MCM2: variants seen among roughly 807,000 people sequenced by gnomAD.
MCM2 encodes the protein DNA replication licensing factor MCM2.
MCM2 carries 49 observed loss-of-function variants against 86.4 expected under a neutral mutation model. The ratio of observed to expected loss-of-function variants is 0.57; its 90% CI spans 0.45 to 0.72. The LOEUF (loss-of-function observed/expected upper bound fraction) is 0.72. Among genes scored for constraint, MCM2 ranks in the 30% least tolerant of loss-of-function variants. The pLI is 0.00. For missense variants in MCM2, 1,038 were observed against 1,259.9 expected (o/e 0.82, Z 2.67); for synonymous variants, 475 against 484.6 (o/e 0.98, Z 0.26).
chr3:127,608,607 C>A, intron 7 of MCM2, 91 bp downstream of exon 7: 1 of 1,517,248 alleles, frequency 6.6e-7, no homozygotes, highest in South Asian at 1.2e-5. Flanking sequence ...TGTCTATGGT[C>A]GCAGGGGCAC....
chr3:127,612,838 G>T (rs1243569293), intron 8 of MCM2, among the ~76,000 whole-genome samples: 1 of 152,200 alleles, frequency 6.6e-6, no homozygotes, highest in African/African-American at 2.4e-5. Context: ...TGCATCTGGG[G>T]TCGAGTCTTG....
At chr3:127,608,748 C>T (rs563090409) in intron 7 of MCM2, 84 bp from the exon 8 acceptor site, 3 of 1,412,614 alleles carry the variant, frequency 2.1e-6, no homozygotes, top group Admixed American at 1.7e-5. Flanking sequence ...GGAGCACTTG[C>T]AATAGGAGAA....
chr3:127,608,702 G>T (rs574240720), intron 7 of MCM2, 130 bp from the exon 8 acceptor site: 2 of 1,188,206 alleles, frequency 1.7e-6, no homozygotes, highest in African/African-American at 3.0e-5. Context: ...TTTAGGAGGG[G>T]TTTTACTGAG....
At chr3:127,605,240 C>T in intron 4 of MCM2, 84 bp downstream of exon 4, 6 of 1,536,388 alleles carry the variant, frequency 3.9e-6, no homozygotes, top group Admixed American at 1.8e-5. Flanking sequence ...CGAGTGAACA[C>T]GTGAAGCACA....
intron 2 of MCM2, among the ~76,000 whole-genome samples, chr3:127,600,766 T>G (rs1011954526): frequency 4.0e-5 from 6 of 151,832 alleles, no homozygotes; most frequent in Admixed American, 3.9e-4. Flanking sequence ...GTCTTGACCC[T>G]TTCTCTTTGC....
At chr3:127,601,058 G>T (rs1294305847) in intron 2 of MCM2, among the ~76,000 whole-genome samples, 2 of 152,170 alleles carry the variant, frequency 1.3e-5, no homozygotes, top group Admixed American at 6.5e-5. Context: ...TTCATTCTCA[G>T]TTCTTACCCA....
intron 13 of MCM2, among the ~76,000 whole-genome samples, chr3:127,620,113 A>G (rs1165498551): frequency 1.3e-5 from 2 of 152,178 alleles, no homozygotes; most frequent in African/African-American, 2.4e-5. Context: ...TGTGCTTATT[A>G]AGTTCCATAT....
intron 2 of MCM2, among the ~76,000 whole-genome samples, chr3:127,602,551 A>G (rs1470879734): frequency 1.3e-5 from 2 of 152,180 alleles, no homozygotes; most frequent in Non-Finnish European, 2.9e-5. Context: ...TTTCCCCTCA[A>G]CTACCCATTT....
intron 8 of MCM2, among the ~76,000 whole-genome samples, chr3:127,613,312 A>G (rs1305660155): frequency 6.6e-6 from 1 of 152,240 alleles, no homozygotes; most frequent in Non-Finnish European, 1.5e-5. Context: ...CACATCCAGC[A>G]CGAGGTGTGT....
intron 8 of MCM2, among the ~76,000 whole-genome samples, chr3:127,615,450 G>A (rs2074425955): frequency 6.6e-6 from 1 of 152,186 alleles, no homozygotes; most frequent in Admixed American, 6.5e-5. Context: ...GCACTTGCAT[G>A]AACTGTCGCA....
rs17538753 is a variant in MCM2, at chr3:127,621,568, G to C, written c.2605-95G>C. The C allele has an allele frequency of 1.6e-3, 1,247 of 771,492 alleles. 9 individuals are homozygous for C. In the African/African-American group the frequency reaches 0.018, roughly 11 times the overall value. The allele number at this position is 771,492 out of a possible 1,614,324, so 47.8% of individuals were successfully genotyped here. Reference sequence around the variant, plus strand: ...TGGATATTTTCCTCCCATAAATGGAGGTGATGGTGTCTGAAAGTGCACTGT... The same window carrying C: ...TGGATATTTTCCTCCCATAAATGGACGTGATGGTGTCTGAAAGTGCACTGT... On this transcript the variant is annotated intron_variant, in intron 15 of 15. Transcript: ENST00000265056.
chr3:127,613,817 T>C (rs746760060), intron 8 of MCM2, among the ~76,000 whole-genome samples: 26 of 152,244 alleles, frequency 1.7e-4, no homozygotes, highest in East Asian at 7.7e-4. Flanking sequence ...TATTGACTTA[T>C]GGTTTTGGAG....
rs1559866887 is a variant in MCM2 at position 127,617,453 on chromosome 3, GTCCC to G, written c.1900+49_1900+52del. On this transcript the variant is annotated intron_variant, in intron 11 of 15. Coordinates refer to ENST00000265056, the MANE Select transcript of MCM2 (RefSeq NM_004526.4). This position sits in a 1 kb window ranked among gnomAD's most constrained non-coding sequence, Gnocchi z 4.1. ...TGGGGCTGGGGTGGGACACAGGGAG[GTCCC>G]GCCTGCTTGAATTGGGAGCCCACGG... 2 of 1,574,030 alleles carry G rather than the reference GTCCC, an allele frequency of 1.3e-6. No individual in the cohort carries two copies. The highest frequency in any genetic ancestry group is 1.7e-6 in the Non-Finnish European group (2 of 1,161,428).
rs770360743 is a variant in MCM2, at chr3:127,621,244, G to T, written c.2604+16G>T. The T allele has an allele frequency of 2.5e-6, 4 of 1,613,328 alleles. No individual in the cohort carries two copies. Among genetic ancestry groups the T allele is most frequent in the South Asian group, 1.1e-5 (1 of 91,046 alleles). On this transcript the variant is annotated intron_variant, in intron 15 of 15. Coordinates refer to ENST00000265056, the MANE Select transcript of MCM2 (RefSeq NM_004526.4). ...GGTGGATAAGGTATGGGCCCGGAAG[G>T]GAGGTGAGGGTTGGGGTATGCTGAC...
intron 8 of MCM2, among the ~76,000 whole-genome samples, chr3:127,611,320 A>T (rs1326347561): frequency 6.6e-6 from 1 of 152,176 alleles, no homozygotes; most frequent in Non-Finnish European, 1.5e-5. Context: ...TACCACGCCA[A>T]AGGAGCTGCA....
chr3:127,599,166 G>A, intron 1 of MCM2, 152 bp from the exon 2 acceptor site: 1 of 699,694 alleles, frequency 1.4e-6, no homozygotes. Flanking sequence ...AACAGCAAGG[G>A]CAAAGATCTG....
chr3:127,621,738 G>A lies in MCM2; in HGVS notation c.2680G>A (p.Asp894Asn), dbSNP rs763884333. 65 of 1,613,886 alleles carry A rather than the reference G, an allele frequency of 4.0e-5. No individual in the cohort carries two copies. Among genetic ancestry groups the A allele is most frequent in the African/African-American group, 5.3e-5 (4 of 74,914 alleles). ...CTTCAGGATGAACAAGTTCAGCCAC[G>A]ACCTGAAAAGGAAAATGATCCTGCA... is the stretch of plus-strand genomic sequence containing the variant. ...ELFRMNKFSHDLKRKMILQQF is the reference protein window; with the variant it reads ...ELFRMNKFSHNLKRKMILQQF Residue 894 changes from aspartate (D) to asparagine (N), a missense_variant, in exon 16 of 16, where the codon GAC becomes AAC. Asp to Asn is a conservative substitution (Grantham distance 23). This residue lies in a region of MCM2 where 336 missense variants were observed against 425.7 expected (regional missense o/e 0.79). Transcript: ENST00000265056.
At position 127,606,534 on chromosome 3, in the gene MCM2, G is replaced by A. The variant is rs2074351962; in HGVS notation, c.894-76G>A. On this transcript the variant is annotated intron_variant, in intron 5 of 15. Coordinates refer to ENST00000265056, the MANE Select transcript of MCM2 (RefSeq NM_004526.4). The surrounding 1 kb of genome is among the most constrained non-coding windows in gnomAD (Gnocchi z 4.2). ...GGGGCTGGGCCCAATTTCCAGGACA[G>A]TGTGTTGGGACACTCTCGTCTGCAG... 2 of 1,416,508 alleles carry A rather than the reference G, an allele frequency of 1.4e-6. No homozygotes were observed. The highest frequency in any genetic ancestry group is 2.8e-5 in the African/African-American group (2 of 71,030). 87.7% of individuals were successfully genotyped at this position (1,416,508 alleles called of 1,614,324 possible). A position where few individuals can be genotyped will look rare whatever the true frequency, so the allele number is the denominator to read the frequency against.
intron 8 of MCM2, among the ~76,000 whole-genome samples, chr3:127,612,859 A>G (rs2074409644): frequency 6.6e-6 from 1 of 152,214 alleles, no homozygotes; most frequent in Non-Finnish European, 1.5e-5. Context: ...CCTCTCCTCT[A>G]GGAGAAAATA....
Sources: allele counts gnomAD v4.1 joint callset (sites outside exome capture counted in the v4.1 genomes callset), GRCh38; gene constraint gnomAD v4.1.1; regional missense constraint gnomAD v4.1.1; non-coding constraint Gnocchi (gnomAD v3.1); transcripts MANE v1.5; gene names NCBI Gene and HGNC (gene_info 2026-07-23, HGNC 2026-07-21).